Variants in MGAM2 observed in about 807,000 individuals in gnomAD.
MGAM2 encodes maltase-glucoamylase 2 (putative), also known as probable maltase-glucoamylase 2.
In MGAM2, 98 loss-of-function variants were observed where a neutral mutation model predicts 96.1. The observed-to-expected ratio is 1.02, with a 90% CI of 0.87 to 1.21. MGAM2 has a LOEUF of 1.21. MGAM2 is among the 50% of genes most tolerant of loss of function. The pLI, the probability that MGAM2 is intolerant of heterozygous loss-of-function variation, is 0.00. For synonymous variants in MGAM2, 749 were observed against 414.8 expected, an observed-to-expected ratio of 1.81 and a Z score of -9.79; for missense variants, 2,055 against 1,182.4, an observed-to-expected ratio of 1.74 and a Z score of -10.82.
chr7:142,149,832 C>T lies in MGAM2; in HGVS notation c.1634+2259C>T, dbSNP rs550733365. Among the ~76,000 whole-genome samples, 92 of 152,286 alleles carry T rather than the reference C, an allele frequency of 6.0e-4. 1 individual carries two copies. In the East Asian group the frequency reaches 0.01, roughly 17 times the overall value. On this transcript the variant is annotated intron_variant, in intron 15 of 47. Transcript: ENST00000477922. The stretch of plus-strand genomic sequence containing the variant: ...CTGGGATTACAGGCGTGAGCCACCG[C>T]GCCCGGCCTTACTTGGATGTTTTGT...
chr7:142,117,112 T>A (rs1472481415), intron 2 of MGAM2, 133 bp downstream of exon 2: 1 of 630,492 alleles, frequency 1.6e-6, no homozygotes, highest in Non-Finnish European at 2.8e-6. Context: ...CCATGATTAG[T>A]TTAAGTTCAA....
At chr7:142,186,224 G>C in intron 35 of MGAM2, 101 bp downstream of exon 35, 1 of 631,566 alleles carries the variant, frequency 1.6e-6, no homozygotes, top group Admixed American at 2.6e-5. Context: ...GGGCTGAAGA[G>C]ATGAAAGGGA....
chr7:142,150,812 C>T (rs923487305), intron 15 of MGAM2, among the ~76,000 whole-genome samples: 3 of 152,088 alleles, frequency 2.0e-5, no homozygotes, highest in Non-Finnish European at 2.9e-5. Flanking sequence ...ACTTTATAAT[C>T]GAACCCTTTC....
At chr7:142,192,912 A>G (rs2129098538) in intron 37 of MGAM2, among the ~76,000 whole-genome samples, 1 of 152,328 alleles carries the variant, frequency 6.6e-6, no homozygotes, top group African/African-American at 2.4e-5. Flanking sequence ...AAATCATGGC[A>G]TCTATTGTTA....
At chr7:142,134,658 T>A (rs151086678) in intron 7 of MGAM2, among the ~76,000 whole-genome samples, 4 of 152,018 alleles carry the variant, frequency 2.6e-5, no homozygotes, top group Non-Finnish European at 5.9e-5. Context: ...CCAGACCCAC[T>A]GGATCCAAAT....
Position 142,130,960 on chromosome 7 carries a change from T to C in MGAM2, c.199T>C (p.Trp67Arg). 1.4e-6 allele frequency: 1 copy of C among 702,770 alleles called. No homozygotes were observed. Among genetic ancestry groups the C allele is most frequent in the East Asian group, 2.7e-5 (1 of 37,278 alleles). 43.5% of individuals were successfully genotyped at this position (702,770 alleles called of 1,614,324 possible). Residue 67 changes from tryptophan (W) to arginine (R), a missense_variant, in exon 4 of 48, where the codon TGG becomes CGG. Transcript: ENST00000477922. ...DQEVTEDICR[W>R]QYKCCWSPVA... ...GTCATTGTTACAGGATATCTGCAGATGGCAATATAAGTGCTGCTGGTCGCC... is the reference window on the plus strand; with the variant it reads ...GTCATTGTTACAGGATATCTGCAGACGGCAATATAAGTGCTGCTGGTCGCC...
At chr7:142,183,132 T>C in intron 32 of MGAM2, 134 bp from the exon 33 acceptor site, 1 of 473,048 alleles carries the variant, frequency 2.1e-6, no homozygotes. Flanking sequence ...TCAATGATTT[T>C]TATTTTATTT....
intron 9 of MGAM2, 100 bp from the exon 10 acceptor site, chr7:142,138,441 GA>G: frequency 1.6e-6 from 1 of 607,652 alleles, no homozygotes; most frequent in Admixed American, 2.9e-5. Flanking sequence ...TATTCTAGCA[GA>G]TTACTCTTAG....
intron 15 of MGAM2, among the ~76,000 whole-genome samples, chr7:142,153,205 T>A (rs1391637993): frequency 6.6e-6 from 1 of 152,144 alleles, no homozygotes; most frequent in Non-Finnish European, 1.5e-5. Flanking sequence ...TTTCACCATG[T>A]TGGCCAGGTT....
At chr7:142,149,553 T>G (rs985751039) in intron 15 of MGAM2, among the ~76,000 whole-genome samples, 2 of 152,136 alleles carry the variant, frequency 1.3e-5, no homozygotes, top group Non-Finnish European at 2.9e-5. Flanking sequence ...GTTTTGTTTT[T>G]TTTTTGAGAC....
At chr7:142,214,715 G>T (rs1248630396) in intron 46 of MGAM2, among the ~76,000 whole-genome samples, 1 of 152,154 alleles carries the variant, frequency 6.6e-6, no homozygotes, top group Non-Finnish European at 1.5e-5. Context: ...CGTGAAAATG[G>T]TCATACTTCC....
chr7:142,117,882 TCA>T (rs1440303573), intron 2 of MGAM2, among the ~76,000 whole-genome samples: 3 of 152,214 alleles, frequency 2.0e-5, no homozygotes, highest in South Asian at 2.1e-4. Context: ...ACACCTGCAT[TCA>T]CCTTAAACCA....
chr7:142,167,686 C>T (rs1260916909), intron 26 of MGAM2, among the ~76,000 whole-genome samples, 200 bp downstream of exon 26: 1 of 152,216 alleles, frequency 6.6e-6, no homozygotes, highest in African/African-American at 2.4e-5. Context: ...CATCTTCCCA[C>T]CTCAGCCTCC....
chr7:142,140,122 G>A (rs1393115570), intron 10 of MGAM2, among the ~76,000 whole-genome samples: 1 of 152,112 alleles, frequency 6.6e-6, no homozygotes, highest in Non-Finnish European at 1.5e-5. Context: ...GAGGAAGGTG[G>A]CAGATTGGGG....
In MGAM2 at chr7:142,222,117, T is replaced by A; in HGVS notation, c.*58T>A. The A allele has an allele frequency of 2.5e-6, 1 of 397,522 alleles. No homozygotes were observed. The allele number at this position is 397,522 out of a possible 1,614,324, so 24.6% of individuals were successfully genotyped here. On this transcript the variant is annotated 3_prime_UTR_variant, in exon 48 of 48. Coordinates refer to ENST00000477922, the MANE Select transcript of MGAM2 (RefSeq NM_001293626.2). ...AACGCCTACAAACAACTATTACAGA[T>A]ATAGAAAATCAGTTACGAGACACTC...
chr7:142,183,099 G>T (rs76876435), intron 32 of MGAM2, among the ~76,000 whole-genome samples, 167 bp from the exon 33 acceptor site: 2 of 152,090 alleles, frequency 1.3e-5, no homozygotes, highest in Non-Finnish European at 2.9e-5. Flanking sequence ...GGTAATATAT[G>T]CAGTAAGACA....
At position 142,221,926 on chromosome 7, in the gene MGAM2, C is replaced by T. The variant is rs542518768; in HGVS notation, c.7415C>T (p.Thr2472Ile). 2.5e-6 allele frequency: 1 copy of T among 399,910 alleles called. No homozygotes were observed. Among genetic ancestry groups the T allele is most frequent in the East Asian group, 3.6e-5 (1 of 28,088 alleles). The allele number at this position is 399,910 out of a possible 1,614,324, so 24.8% of individuals were successfully genotyped here. ...GCTACTTATTTACCTATTACTGCAA[C>T]TAGTGCTACCACAGATACTACAAAT... The part of the protein sequence containing the change: ...SVATYLPITA[T>I]SATTDTTNIT... The change falls in exon 48 of 48, where the codon ACT (threonine) becomes ATT (isoleucine). Residue 2472 changes from threonine to isoleucine, a missense_variant. Physicochemically the swap from Thr to Ile is moderately conservative, Grantham distance 89. Transcript: ENST00000477922.
At chr7:142,194,139 T>C (rs982936369) in intron 37 of MGAM2, among the ~76,000 whole-genome samples, 4 of 152,034 alleles carry the variant, frequency 2.6e-5, no homozygotes, top group African/African-American at 9.7e-5. Context: ...TTCAAGCAAT[T>C]CTCCTGCCTC....
In MGAM2 at chr7:142,116,964, T is replaced by C. The variant is rs1047871786; in HGVS notation, c.91T>C (p.Leu31=). ...TIDILLLLLV[L]EETSDTSFTP... ...AGATATCCTCTTGCTGCTTCTTGTGTTGGAGGAAACTTCAGGTAAGGGAGA... is the reference window on the plus strand; with the variant it reads ...AGATATCCTCTTGCTGCTTCTTGTGCTGGAGGAAACTTCAGGTAAGGGAGA... Residue 31 remains leucine, a synonymous_variant, in exon 2 of 48, where the codon TTG becomes CTG. Transcript: ENST00000477922. 2.8e-6 allele frequency: 2 copies of C among 703,188 alleles called. No homozygotes were observed. 43.6% of individuals were successfully genotyped at this position (703,188 alleles called of 1,614,324 possible). A position where few individuals can be genotyped will look rare whatever the true frequency, so the allele number is the denominator to read the frequency against.
Sources: gnomAD v4.1 joint callset for allele counts (sites outside exome capture counted in the v4.1 genomes callset) on GRCh38, gnomAD v4.1.1 for gene constraint, MANE v1.5 for transcripts, NCBI Gene and HGNC (gene_info 2026-07-23, HGNC 2026-07-21) for gene names.